The following ARHGAP24 variants were observed in gnomAD, a reference collection of about 807,000 sequenced individuals.
ARHGAP24 encodes Rho GTPase activating protein 24.
In ARHGAP24, 50 loss-of-function variants were observed where a neutral mutation model predicts 76.4. The observed-to-expected ratio is 0.65, with a 90% CI of 0.52 to 0.83. The LOEUF is 0.83. Among genes scored for constraint, ARHGAP24 ranks in the 40% least tolerant of loss-of-function variants. ARHGAP24 has a pLI of 0.00. For missense variants in ARHGAP24, 930 were observed against 914.2 expected, an observed-to-expected ratio of 1.02 and a Z score of -0.22; for synonymous variants, 345 against 323.3, an observed-to-expected ratio of 1.07 and a Z score of -0.72.
chr4:85,983,904 A>C (rs564971400), intron 8 of ARHGAP24, among the ~76,000 whole-genome samples: 1 of 152,338 alleles, frequency 6.6e-6, no homozygotes, highest in South Asian at 2.1e-4. Flanking sequence ...GGGTAGAATT[A>C]ACTCTTCACA....
chr4:85,700,190 T>A (rs1055078970), intron 2 of ARHGAP24, among the ~76,000 whole-genome samples: 6 of 150,938 alleles, frequency 4.0e-5, no homozygotes, highest in Admixed American at 1.3e-4. Context: ...AGGTCAGGAG[T>A]TTGAGATCAG....
intron 3 of ARHGAP24, among the ~76,000 whole-genome samples, chr4:85,783,695 C>T (rs976647135): frequency 1.3e-5 from 2 of 152,104 alleles, no homozygotes; most frequent in African/African-American, 2.4e-5. Context: ...GGTTCTCATA[C>T]TAAAGAAAAC....
intron 1 of ARHGAP24, among the ~76,000 whole-genome samples, chr4:85,566,340 A>C (rs537710872): frequency 2.3e-4 from 35 of 152,354 alleles, no homozygotes; most frequent in African/African-American, 8.4e-4. Context: ...TTAGTGTTAA[A>C]CCACAATTGG....
intron 1 of ARHGAP24, among the ~76,000 whole-genome samples, chr4:85,499,796 C>CA (rs1381781785): frequency 1.8e-4 from 27 of 152,156 alleles, no homozygotes; most frequent in Admixed American, 1.8e-3. Context: ...AGCTAATGAT[C>CA]ATATGCATTG....
At chr4:85,624,923 C>CT (rs1491299100) in intron 2 of ARHGAP24, among the ~76,000 whole-genome samples, 10 of 152,062 alleles carry the variant, frequency 6.6e-5, no homozygotes, top group African/African-American at 2.4e-4. Flanking sequence ...GTGATATCCC[C>CT]TTTCTCATTT....
chr4:85,796,155 C>A (rs896968966), intron 3 of ARHGAP24, among the ~76,000 whole-genome samples: 2 of 151,970 alleles, frequency 1.3e-5, no homozygotes, highest in African/African-American at 4.8e-5. Flanking sequence ...CCTATACATT[C>A]TTGTATCAGA....
chr4:85,693,693 G>T (rs549305778), intron 2 of ARHGAP24, among the ~76,000 whole-genome samples: 1 of 152,332 alleles, frequency 6.6e-6, no homozygotes, highest in East Asian at 1.9e-4. Context: ...GGGTAGCCAG[G>T]CAAGGGCCCT....
chr4:85,838,973 C>T (rs1170147163), intron 3 of ARHGAP24, among the ~76,000 whole-genome samples: 1 of 152,204 alleles, frequency 6.6e-6, no homozygotes, highest in Non-Finnish European at 1.5e-5. Flanking sequence ...TATCAAAAAT[C>T]GTAGCTCAGT....
intron 1 of ARHGAP24, among the ~76,000 whole-genome samples, chr4:85,504,236 C>T (rs1474564628): frequency 1.3e-5 from 2 of 152,172 alleles, no homozygotes; most frequent in Non-Finnish European, 2.9e-5. Context: ...ATTAGGTCTG[C>T]TTGGTGCAGA....
intron 3 of ARHGAP24, among the ~76,000 whole-genome samples, chr4:85,824,705 A>G (rs1314992458): frequency 6.8e-6 from 1 of 147,364 alleles, no homozygotes; most frequent in Non-Finnish European, 1.5e-5. Flanking sequence ...AAAAAACAAC[A>G]TAGAGGTTCA....
At position 85,995,505 on chromosome 4, in the gene ARHGAP24, A is replaced by T; in HGVS notation, c.1851A>T (p.Gly617=). 1 of 1,602,592 alleles carries T rather than the reference A, an allele frequency of 6.2e-7. No homozygotes were observed. The highest frequency in any genetic ancestry group is 8.5e-7 in the Non-Finnish European group (1 of 1,173,486). The change falls in exon 9 of 10, where the codon GGA becomes GGT. Residue 617 remains glycine (G), a synonymous_variant. Transcript: ENST00000395184. The stretch of plus-strand genomic sequence containing the variant: ...GCAAAAGTGACCACAGGAGTGTGGG[A>T]GGTCGAAGTAGTCGTGCCACCAGTA... ...YESKSDHRSV[G]GRSSRATSSS... is the part of the protein sequence containing the mutation.
At chr4:85,713,030 G>C (rs1724584894) in intron 2 of ARHGAP24, among the ~76,000 whole-genome samples, 1 of 152,184 alleles carries the variant, frequency 6.6e-6, no homozygotes, top group South Asian at 2.1e-4. Context: ...GGGCGTGGTG[G>C]CTCACGCCTA....
intron 3 of ARHGAP24, among the ~76,000 whole-genome samples, chr4:85,828,587 A>G (rs965348083): frequency 6.6e-6 from 1 of 152,052 alleles, no homozygotes; most frequent in Non-Finnish European, 1.5e-5. Context: ...CTTACAATTA[A>G]CTTAATCAAC....
intron 1 of ARHGAP24, among the ~76,000 whole-genome samples, chr4:85,486,839 A>T (rs1461227252): frequency 1.3e-5 from 2 of 152,048 alleles, no homozygotes; most frequent in Non-Finnish European, 2.9e-5. Context: ...ATTCCCTGTG[A>T]TAAGAAATGC....
In ARHGAP24 at chr4:85,521,444, T is replaced by A. The variant is rs145608109; in HGVS notation, c.-21+45885T>A. 7.1e-3 allele frequency among the ~76,000 whole-genome samples: 1,080 copies of A among 152,216 alleles called. 9 individuals carry two copies. Among genetic ancestry groups the A allele is most frequent in the African/African-American group, 0.017 (708 of 41,518 alleles). On this transcript the variant is annotated intron_variant, in intron 1 of 9. Transcript: ENST00000395184. ...TATTACATCATACCTTCTATCCCCCTCCCTTTTTATCACCTCCATCCGGAC... is the reference window on the plus strand; with the variant it reads ...TATTACATCATACCTTCTATCCCCCACCCTTTTTATCACCTCCATCCGGAC...
chr4:85,738,547 A>G (rs1725694937), intron 3 of ARHGAP24, among the ~76,000 whole-genome samples: 1 of 151,968 alleles, frequency 6.6e-6, no homozygotes, highest in African/African-American at 2.4e-5. Flanking sequence ...CTTGAACCAC[A>G]GAAGTTTTTA....
At chr4:85,546,163 AC>A (rs1725913499) in intron 1 of ARHGAP24, among the ~76,000 whole-genome samples, 1 of 152,206 alleles carries the variant, frequency 6.6e-6, no homozygotes, top group African/African-American at 2.4e-5. Flanking sequence ...ATAAGCATAT[AC>A]ACACATGAAT....
chr4:85,732,715 CAG>C (rs1725452111), intron 3 of ARHGAP24, among the ~76,000 whole-genome samples: 1 of 126,350 alleles, frequency 7.9e-6, no homozygotes, highest in Non-Finnish European at 1.7e-5. Context: ...TTTTTTGAGA[CAG>C]AGTTTCGCTC....
At chr4:85,674,480 A>G (rs1324468320) in intron 2 of ARHGAP24, among the ~76,000 whole-genome samples, 1 of 152,238 alleles carries the variant, frequency 6.6e-6, no homozygotes, top group African/African-American at 2.4e-5. Flanking sequence ...CAATCTTTAA[A>G]TCAATAAATC....
Sources: allele counts gnomAD v4.1 joint callset (sites outside exome capture counted in the v4.1 genomes callset), GRCh38; gene constraint gnomAD v4.1.1; transcripts MANE v1.5; gene names NCBI Gene and HGNC (gene_info 2026-07-23, HGNC 2026-07-21).